Variants in GRIK4 observed in about 807,000 individuals in gnomAD.
GRIK4 encodes glutamate receptor ionotropic, kainate 4.
A neutral mutation model predicts 104.9 loss-of-function variants in GRIK4; 40 were observed. The observed-to-expected ratio is 0.38, with a 90% confidence interval of 0.30 to 0.50. The LOEUF (loss-of-function observed/expected upper bound fraction) is 0.50, where lower values mean the gene tolerates loss of function less well. GRIK4 is among the 20% of genes least tolerant of loss of function. GRIK4 has a pLI of 0.93. For missense variants in GRIK4, 1,047 were observed against 1,308.1 expected, an observed-to-expected ratio of 0.80 and a Z score of 3.08; for synonymous variants, 485 against 524.9, an observed-to-expected ratio of 0.92 and a Z score of 1.04.
At chr11:120,916,229 G>A (rs956590336) in intron 13 of GRIK4, among the ~76,000 whole-genome samples, 19 of 152,148 alleles carry the variant, frequency 1.2e-4, no homozygotes, top group African/African-American at 2.9e-4. Context: ...AGAAGCTAAC[G>A]CCCAGGAGTG....
At chr11:120,739,429 C>T (rs1951287569) in intron 3 of GRIK4, among the ~76,000 whole-genome samples, 1 of 152,168 alleles carries the variant, frequency 6.6e-6, no homozygotes, top group Admixed American at 6.5e-5. Context: ...TGAGCCTGGG[C>T]CTCTTCCAGG....
chr11:120,912,470 A>G (rs1943021726), intron 13 of GRIK4, among the ~76,000 whole-genome samples: 1 of 152,232 alleles, frequency 6.6e-6, no homozygotes. Context: ...GGCTGCTGAA[A>G]GAGAATGGGT....
At chr11:120,618,663 A>G (rs1240213466) in intron 1 of GRIK4, among the ~76,000 whole-genome samples, 1 of 152,204 alleles carries the variant, frequency 6.6e-6, no homozygotes, top group Non-Finnish European at 1.5e-5. Flanking sequence ...TGTTCCATAC[A>G]GCCCACACTC....
chr11:120,898,441 C>T (rs1016766087), intron 11 of GRIK4, 91 bp from the exon 12 acceptor site: 307 of 736,502 alleles, frequency 4.2e-4, no homozygotes, highest in Non-Finnish European at 4.2e-5. Context: ...TGCTCACATG[C>T]AGCCCAGCCA....
rs536861173 is a variant in GRIK4 at position 120,784,461 on chromosome 11, G to T, written c.83-18232G>T. Among the ~76,000 whole-genome samples the T allele has an allele frequency of 5.3e-5, 8 of 152,172 alleles. No individual in the cohort carries two copies. In the South Asian group the frequency reaches 1.7e-3, roughly 32 times the overall value. ...TTTCTCCTGCTTGCTTTTTTCCTTG[G>T]TGTGGTCAGACCTCTGGCTCCCTTG... On this transcript the variant is annotated intron_variant, in intron 3 of 20. Coordinates refer to ENST00000527524, the MANE Select transcript of GRIK4 (RefSeq NM_014619.5).
At chr11:120,830,478 G>T (rs527336783) in intron 6 of GRIK4, among the ~76,000 whole-genome samples, 10 of 152,264 alleles carry the variant, frequency 6.6e-5, no homozygotes, top group Admixed American at 5.9e-4. Flanking sequence ...TGGCCTGGGT[G>T]GTGAGTAACC....
At chr11:120,654,956 C>T (rs575714413) in intron 2 of GRIK4, among the ~76,000 whole-genome samples, 2 of 152,242 alleles carry the variant, frequency 1.3e-5, no homozygotes, top group African/African-American at 4.8e-5. Flanking sequence ...TTCCCCTTGG[C>T]CTGCATCTGC....
intron 1 of GRIK4, among the ~76,000 whole-genome samples, chr11:120,592,147 G>A (rs560610324): frequency 3.9e-5 from 6 of 152,290 alleles, no homozygotes; most frequent in African/African-American, 1.4e-4. Context: ...AGATCTTTTG[G>A]TTTATTTAAG....
rs1011553027 is a variant in GRIK4 at position 120,957,748 on chromosome 11, T to C, written c.1874+795T>C. Among the ~76,000 whole-genome samples the C allele has an allele frequency of 2.0e-5, 3 of 152,102 alleles. No homozygotes were observed. In the South Asian group the frequency reaches 6.2e-4, roughly 32 times the overall value. Reference sequence around the variant, plus strand: ...TGGTTCTCTCCCTTCCTTCTCAGCCTGTTTAGCCAAAGGAAAAGGAAAGGT... The same window carrying C: ...TGGTTCTCTCCCTTCCTTCTCAGCCCGTTTAGCCAAAGGAAAAGGAAAGGT... On this transcript the variant is annotated intron_variant, in intron 16 of 20. Transcript: ENST00000527524.
At chr11:120,983,093 T>C (rs1388829410) in intron 20 of GRIK4, among the ~76,000 whole-genome samples, 2 of 152,080 alleles carry the variant, frequency 1.3e-5, no homozygotes, top group Non-Finnish European at 2.9e-5. Flanking sequence ...TCCCCACAGC[T>C]CAGCCACCCT....
In GRIK4 at chr11:120,594,717, G is replaced by A. The variant is rs145602063; in HGVS notation, c.-158-58968G>A. Among the ~76,000 whole-genome samples the A allele has an allele frequency of 6.5e-3, 992 of 152,252 alleles. 16 individuals carry two copies. The highest frequency in any genetic ancestry group is 0.023 in the African/African-American group (939 of 41,534). On this transcript the variant is annotated intron_variant, in intron 1 of 20. Transcript: ENST00000527524. ...CATGAAAGAGGTGGTGGTATTTTCA[G>A]GGAAGGTGTGCCCTCCTGTGATTCA...
chr11:120,560,861 T>A (rs906973033), intron 1 of GRIK4, among the ~76,000 whole-genome samples: 29 of 152,280 alleles, frequency 1.9e-4, no homozygotes, highest in African/African-American at 6.5e-4. Flanking sequence ...GGAAGAGCAG[T>A]GGGGATGGTA....
At position 120,808,525 on chromosome 11, in the gene GRIK4, G is replaced by T. The variant is rs958128737; in HGVS notation, c.247+5668G>T. 9.2e-5 allele frequency among the ~76,000 whole-genome samples: 14 copies of T among 152,158 alleles called. No homozygotes were observed. The East Asian group carries it at 2.7e-3, about 29-fold the overall frequency. ...CGTGATACGCTGTTGGTGAGGAGAGGCGATGGCGGTCTTGAGTTCTTGGAC... is the reference window on the plus strand; with the variant it reads ...CGTGATACGCTGTTGGTGAGGAGAGTCGATGGCGGTCTTGAGTTCTTGGAC... On this transcript the variant is annotated intron_variant, in intron 4 of 20. Transcript: ENST00000527524.
intron 1 of GRIK4, among the ~76,000 whole-genome samples, chr11:120,548,432 G>C (rs974830532): frequency 1.3e-5 from 2 of 152,002 alleles, no homozygotes; most frequent in Admixed American, 6.6e-5. Flanking sequence ...GCAAAGGCAT[G>C]GTGGCCTGGA....
Position 120,787,852 on chromosome 11 carries a change from C to CTTTTTTTTTTTTTTTTT in GRIK4, c.83-14828_83-14812dup, listed in dbSNP as rs58523604. Among the ~76,000 whole-genome samples, 133 of 77,092 alleles carry CTTTTTTTTTTTTTTTTT rather than the reference C, an allele frequency of 1.7e-3. 9 individuals carry two copies. Among genetic ancestry groups the CTTTTTTTTTTTTTTTTT allele is most frequent in the African/African-American group, 2.2e-3 (35 of 16,210 alleles). 50.6% of individuals were successfully genotyped at this position (77,092 alleles called of 152,430 possible). A position where few individuals can be genotyped will look rare whatever the true frequency, so the allele number is the denominator to read the frequency against. ...TTTCTTCTCTTTTTTCTTTTCTTTT[C>CTTTTTTTTTTTTTTTTT]TTTTTTTTTTTTTTTTTTTTTTTTT... On this transcript the variant is annotated intron_variant, in intron 3 of 20. Coordinates refer to ENST00000527524, the MANE Select transcript of GRIK4 (RefSeq NM_014619.5).
At chr11:120,828,793 G>T (rs1313836808) in intron 6 of GRIK4, among the ~76,000 whole-genome samples, 1 of 152,190 alleles carries the variant, frequency 6.6e-6, no homozygotes, top group Admixed American at 6.5e-5. Context: ...TATGGGATGG[G>T]GAATGATGCT....
chr11:120,931,918 G>T (rs1384713161), intron 13 of GRIK4, among the ~76,000 whole-genome samples: 1 of 152,006 alleles, frequency 6.6e-6, no homozygotes, highest in Non-Finnish European at 1.5e-5. Flanking sequence ...AGCCACTCTG[G>T]CCTTCCCACA....
Position 120,819,645 on chromosome 11 carries a change from G to T in GRIK4, c.346-110G>T, listed in dbSNP as rs1953056357. On this transcript the variant is annotated intron_variant, in intron 5 of 20. Transcript: ENST00000527524. The surrounding 1 kb of genome is among the most constrained non-coding windows in gnomAD (Gnocchi z 4.3). The stretch of plus-strand genomic sequence containing the variant: ...CCTTCTCCCATTGGTGTCTGGCGAA[G>T]GTGTTACATAAAAGAACTCACCCTC... The T allele has an allele frequency of 4.2e-6, 4 of 959,304 alleles. No individual in the cohort carries two copies. The highest frequency in any genetic ancestry group is 6.6e-6 in the Non-Finnish European group (4 of 610,162). The allele number at this position is 959,304 out of a possible 1,614,324, so 59.4% of individuals were successfully genotyped here.
rs111985247 is a variant in GRIK4 at position 120,831,535 on chromosome 11, C to T, written c.512-317C>T. Among the ~76,000 whole-genome samples the T allele has an allele frequency of 5.4e-4, 82 of 152,250 alleles. 2 individuals carry two copies. Among genetic ancestry groups the T allele is most frequent in the African/African-American group, 1.9e-3 (80 of 41,560 alleles). ...GTCTCTGTGCATCCTATCCGGCTTT[C>T]GAGGGTGGTGGGGAGGAGGGGGGAT... On this transcript the variant is annotated intron_variant, in intron 6 of 20. Transcript: ENST00000527524.
Sources: gnomAD v4.1 joint callset for allele counts (sites outside exome capture counted in the v4.1 genomes callset) on GRCh38, gnomAD v4.1.1 for gene constraint, Gnocchi (gnomAD v3.1) non-coding constraint, MANE v1.5 for transcripts, NCBI Gene and HGNC (gene_info 2026-07-23, HGNC 2026-07-21) for gene names.